Variants in COBLL1 observed in about 807,000 individuals in gnomAD.
The protein encoded by COBLL1 is cordon-bleu WH2 repeat protein like 1, also known as cordon-bleu protein-like 1.
Under a neutral mutation model 94.8 loss-of-function variants are expected in COBLL1, and 50 were observed. The ratio of observed to expected loss-of-function variants is 0.53; its 90% CI spans 0.42 to 0.67. The LOEUF (loss-of-function observed/expected upper bound fraction) is 0.67. Ranked by LOEUF, COBLL1 falls within the 30% of genes least tolerant of loss-of-function variation. The probability of loss-of-function intolerance (pLI) is 0.00; values close to 1 mark genes in which losing one functional copy is unlikely to be tolerated. For missense variants in COBLL1, 1,362 were observed against 1,348.7 expected, an observed-to-expected ratio of 1.01 and a Z score of -0.15; for synonymous variants, 448 against 473.8, an observed-to-expected ratio of 0.95 and a Z score of 0.71.
chr2:164,692,760 AC>A (rs1683685789), intron 12 of COBLL1: 1 of 158,772 alleles, frequency 6.3e-6, no homozygotes, highest in Non-Finnish European at 1.4e-5. Flanking sequence ...CTAAAAAATG[AC>A]CCATTTTCAT....
chr2:164,671,718 A>C (rs1181166312), intron 1 of COBLL1, among the ~76,000 whole-genome samples: 2 of 152,016 alleles, frequency 1.3e-5, no homozygotes, highest in Non-Finnish European at 2.9e-5. Flanking sequence ...GAAGCACGTT[A>C]TGAAGATTTT....
intron 2 of COBLL1, among the ~76,000 whole-genome samples, chr2:164,750,043 C>A (rs1687052041): frequency 6.6e-6 from 1 of 152,202 alleles, no homozygotes; most frequent in Admixed American, 6.5e-5. Flanking sequence ...AGGGTCCATT[C>A]TCTGCCTTTT....
chr2:164,756,861 TG>T (rs1297376364), intron 2 of COBLL1, among the ~76,000 whole-genome samples: 2 of 152,216 alleles, frequency 1.3e-5, no homozygotes, highest in Non-Finnish European at 2.9e-5. Context: ...GGTTTGTGTC[TG>T]GGTCTGCACA....
At chr2:164,819,252 G>A (rs1030670107) in intron 2 of COBLL1, among the ~76,000 whole-genome samples, 4 of 152,116 alleles carry the variant, frequency 2.6e-5, no homozygotes, top group South Asian at 2.1e-4. Context: ...TAAAACTAGC[G>A]AAATATTTAG....
chr2:164,748,578 C>G (rs1208151420), intron 2 of COBLL1, among the ~76,000 whole-genome samples: 1 of 152,104 alleles, frequency 6.6e-6, no homozygotes, highest in East Asian at 1.9e-4. Flanking sequence ...TTGAAGCCTC[C>G]TCACCCCTTT....
intron 7 of COBLL1, among the ~76,000 whole-genome samples, chr2:164,720,649 T>G (rs1433136414): frequency 2.6e-5 from 4 of 152,186 alleles, no homozygotes; most frequent in African/African-American, 9.6e-5. Flanking sequence ...AAATAAAGTC[T>G]TTGGGACCCT....
At position 164,799,019 on chromosome 2, in the gene COBLL1, C is replaced by CAAAAAAAAAAAA. The variant is rs555113117; in HGVS notation, c.41+42125_41+42136dup. ...TGGGTGACAGAGCAAGACTCCGTCT[C>CAAAAAAAAAAAA]AAAAAAAAAAAAAAAAAAAGAGGGG... On this transcript the variant is annotated intron_variant, in intron 2 of 13. Coordinates refer to ENST00000652658, the MANE Select transcript of COBLL1 (RefSeq NM_001365672.2). Among the ~76,000 whole-genome samples, 36 of 69,780 alleles carry CAAAAAAAAAAAA rather than the reference C, an allele frequency of 5.2e-4. 2 individuals carry two copies. The highest frequency in any genetic ancestry group is 1.6e-3 in the African/African-American group (23 of 14,704). The allele number at this position is 69,780 out of a possible 152,430, so 45.8% of individuals were successfully genotyped here. A position where few individuals can be genotyped will look rare whatever the true frequency, so the allele number is the denominator to read the frequency against.
At chr2:164,782,550 T>C (rs566094801) in intron 2 of COBLL1, among the ~76,000 whole-genome samples, 29 of 152,266 alleles carry the variant, frequency 1.9e-4, no homozygotes, top group Middle Eastern at 3.4e-3. Context: ...GGGACTGCTT[T>C]ATGAGTACAG....
In COBLL1 at chr2:164,779,796, A is replaced by G. The variant is rs77518456; in HGVS notation, c.42-35921T>C. On this transcript the variant is annotated intron_variant, in intron 2 of 13. Coordinates refer to ENST00000652658, the MANE Select transcript of COBLL1 (RefSeq NM_001365672.2). ...TCCCAATAACTGAGCCTAGAGGGAA[A>G]GAGAAGACTTAAGATGATAGCACTC... 1.5e-3 allele frequency: 701 copies of G among 468,914 alleles called. 5 individuals carry two copies. The highest frequency in any genetic ancestry group is 0.013 in the African/African-American group (667 of 50,006). 29.0% of individuals were successfully genotyped at this position (468,914 alleles called of 1,614,324 possible).
Position 164,704,381 on chromosome 2 carries a change from T to C in COBLL1, c.1225+63A>G, listed in dbSNP as rs576397034. On this transcript the variant is annotated intron_variant, in intron 9 of 13. Transcript: ENST00000652658. ...GTACAAAGCATCGCAAATGGACTCA[T>C]TTCTCAATTATCATGGACGTCCTTT... The C allele has an allele frequency of 8.5e-5, 93 of 1,095,244 alleles. No homozygotes were observed. The East Asian group carries it at 2.1e-3, about 25-fold the overall frequency. 67.8% of individuals were successfully genotyped at this position (1,095,244 alleles called of 1,614,324 possible).
intron 2 of COBLL1, among the ~76,000 whole-genome samples, chr2:164,746,617 T>C (rs1222829173): frequency 6.6e-6 from 1 of 152,022 alleles, no homozygotes; most frequent in East Asian, 1.9e-4. Context: ...CAAACCATCA[T>C]AAATCCAGAT....
At chr2:164,818,551 A>G (rs1488860914) in intron 2 of COBLL1, among the ~76,000 whole-genome samples, 1 of 148,654 alleles carries the variant, frequency 6.7e-6, no homozygotes, top group Non-Finnish European at 1.5e-5. Context: ...ATATATGTGT[A>G]CATATGTACA....
rs75034518 is a variant in COBLL1, at chr2:164,699,210, G to A, written c.1555+195C>T. ...GTAGTAGTTGTGAGACCTCAGGTGAGTTATTTAATATCTCTGTGGCACAAT... is the reference window on the plus strand; with the variant it reads ...GTAGTAGTTGTGAGACCTCAGGTGAATTATTTAATATCTCTGTGGCACAAT... On this transcript the variant is annotated intron_variant, in intron 11 of 13. Transcript: ENST00000652658. Among the ~76,000 whole-genome samples, 166 of 152,002 alleles carry A rather than the reference G, an allele frequency of 1.1e-3. 1 individual carries two copies. The highest frequency in any genetic ancestry group is 3.8e-3 in the African/African-American group (159 of 41,522).
chr2:164,790,058 T>A (rs1051445772), intron 2 of COBLL1, among the ~76,000 whole-genome samples: 1 of 152,236 alleles, frequency 6.6e-6, no homozygotes, highest in African/African-American at 2.4e-5. Flanking sequence ...TGTTGTTTCA[T>A]TCAATGTTGT....
chr2:164,814,400 C>G (rs1048667044), intron 2 of COBLL1, among the ~76,000 whole-genome samples: 1 of 152,024 alleles, frequency 6.6e-6, no homozygotes, highest in Non-Finnish European at 1.5e-5. Context: ...TCTTTACTTT[C>G]TGCTAGGTGA....
At chr2:164,669,222 A>T (rs1691210562) in intron 1 of COBLL1, among the ~76,000 whole-genome samples, 1 of 152,176 alleles carries the variant, frequency 6.6e-6, no homozygotes, top group East Asian at 1.9e-4. Context: ...TCTTGTTTTC[A>T]TTCAATAGCC....
At chr2:164,688,646 C>T (rs1683431481) in intron 13 of COBLL1, among the ~76,000 whole-genome samples, 2 of 152,080 alleles carry the variant, frequency 1.3e-5, no homozygotes. Context: ...CTATCATTTA[C>T]ATTTACTTTA....
chr2:164,702,551 G>A (rs1477725872), intron 9 of COBLL1, among the ~76,000 whole-genome samples: 4 of 91,298 alleles, frequency 4.4e-5, no homozygotes, highest in Admixed American at 1.4e-4. Context: ...GCAACAGTGA[G>A]ACTCCTCAAA....
chr2:164,835,725 A>T (rs1445544323), intron 2 of COBLL1, among the ~76,000 whole-genome samples: 4 of 152,190 alleles, frequency 2.6e-5, no homozygotes, highest in Non-Finnish European at 5.9e-5. Flanking sequence ...CTTTCAGGAC[A>T]TAGTTTGCTG....
Sources: allele counts gnomAD v4.1 joint callset (sites outside exome capture counted in the v4.1 genomes callset), GRCh38; gene constraint gnomAD v4.1.1; transcripts MANE v1.5; gene names NCBI Gene and HGNC (gene_info 2026-07-23, HGNC 2026-07-21).